ARHGAP26: variants seen among roughly 807,000 people sequenced by gnomAD.
ARHGAP26 encodes the protein Rho GTPase activating protein 26.
Under a neutral mutation model 104.8 loss-of-function variants are expected in ARHGAP26, and 38 were observed. The observed-to-expected ratio is 0.36, with a 90% confidence interval of 0.28 to 0.48. The LOEUF (loss-of-function observed/expected upper bound fraction) is 0.48, where lower values mean the gene tolerates loss of function less well. Among genes scored for constraint, ARHGAP26 ranks in the 20% least tolerant of loss-of-function variants. The pLI, the probability that ARHGAP26 is intolerant of heterozygous loss-of-function variation, is 0.99. For missense variants in ARHGAP26, 704 were observed against 947.9 expected, an observed-to-expected ratio of 0.74 and a Z score of 3.38; for synonymous variants, 341 against 340.0, an observed-to-expected ratio of 1.00 and a Z score of -0.03.
intron 1 of ARHGAP26, among the ~76,000 whole-genome samples, chr5:142,788,919 AGTC>A (rs1759212813): frequency 6.6e-6 from 1 of 152,238 alleles, no homozygotes; most frequent in Admixed American, 6.5e-5. Context: ...CCTTCACAAC[AGTC>A]TTAATGAGGT....
intron 11 of ARHGAP26, among the ~76,000 whole-genome samples, chr5:143,003,714 A>G (rs1471164299): frequency 6.6e-6 from 1 of 152,206 alleles, no homozygotes; most frequent in East Asian, 1.9e-4. Flanking sequence ...GAAAAGGGAA[A>G]TAACGTTTTT....
intron 1 of ARHGAP26, among the ~76,000 whole-genome samples, chr5:142,774,759 C>T (rs181987197): frequency 3.4e-4 from 52 of 152,274 alleles, no homozygotes; most frequent in African/African-American, 1.2e-3. Flanking sequence ...CCACTAACCC[C>T]GGGCAACCAC....
At chr5:143,195,838 G>A (rs1387534231) in intron 20 of ARHGAP26, among the ~76,000 whole-genome samples, 5 of 151,276 alleles carry the variant, frequency 3.3e-5, no homozygotes, top group African/African-American at 1.2e-4. Flanking sequence ...TATTTATTAA[G>A]TTGTGGTTAT....
At chr5:142,849,786 G>A (rs1052449633) in intron 1 of ARHGAP26, among the ~76,000 whole-genome samples, 9 of 152,112 alleles carry the variant, frequency 5.9e-5, no homozygotes. Flanking sequence ...ATCCTGCCGT[G>A]TTTCTGTCCT....
intron 1 of ARHGAP26, among the ~76,000 whole-genome samples, chr5:142,771,605 G>T (rs1436173651): frequency 6.6e-6 from 1 of 152,152 alleles, no homozygotes; most frequent in Admixed American, 6.5e-5. Context: ...GTGGGCGAGG[G>T]TTTAAAAATA....
intron 1 of ARHGAP26, among the ~76,000 whole-genome samples, chr5:142,843,472 T>C (rs1021056688): frequency 5.3e-5 from 8 of 152,240 alleles, no homozygotes; most frequent in African/African-American, 1.4e-4. Flanking sequence ...CTACCATTCA[T>C]TGAGTGCTTA....
chr5:143,210,219 A>G (rs549057967), intron 21 of ARHGAP26, among the ~76,000 whole-genome samples: 10 of 152,306 alleles, frequency 6.6e-5, no homozygotes, highest in African/African-American at 2.2e-4. Flanking sequence ...GCAGAAGGCA[A>G]GGAGGAGGAA....
At position 142,986,349 on chromosome 5, in the gene ARHGAP26, G is replaced by A. The variant is rs183253546; in HGVS notation, c.1108-27731G>A. ...CATATTCTTTGCCCACTTTTTGATG[G>A]GGTTGTTTGATTTTTTTCTTGTAAA... On this transcript the variant is annotated intron_variant, in intron 11 of 22. Coordinates refer to ENST00000645722, the MANE Select transcript of ARHGAP26 (RefSeq NM_001135608.3). Among the ~76,000 whole-genome samples the A allele has an allele frequency of 4.7e-3, 710 of 152,222 alleles. 3 individuals carry two copies. The highest frequency in any genetic ancestry group is 0.017 in the African/African-American group (688 of 41,532).
At chr5:142,897,094 C>T (rs749921393) in intron 6 of ARHGAP26, among the ~76,000 whole-genome samples, 26 of 152,192 alleles carry the variant, frequency 1.7e-4, no homozygotes, top group Non-Finnish European at 3.4e-4. Context: ...GAGGCATTCA[C>T]AGCCTCACTG....
At chr5:143,189,723 A>G (rs1231859466) in intron 20 of ARHGAP26, among the ~76,000 whole-genome samples, 1 of 152,210 alleles carries the variant, frequency 6.6e-6, no homozygotes, top group African/African-American at 2.4e-5. Flanking sequence ...ATGTTATAAG[A>G]ATCAGATATT....
chr5:142,949,212 AGAGAGAGAG>A (rs1767841913), intron 11 of ARHGAP26, among the ~76,000 whole-genome samples: 1 of 64,504 alleles, frequency 1.6e-5, no homozygotes, highest in African/African-American at 1.3e-4. Flanking sequence ...AGAGAGAGAG[AGAGAGAGAG>A]GAGAGAGAGA....
chr5:142,956,112 C>T (rs776632642), intron 11 of ARHGAP26, among the ~76,000 whole-genome samples: 2 of 152,164 alleles, frequency 1.3e-5, no homozygotes. Context: ...CCTTGTTTAT[C>T]TATGTTTTCA....
chr5:143,083,285 C>T (rs573186858), intron 17 of ARHGAP26, among the ~76,000 whole-genome samples: 35 of 152,290 alleles, frequency 2.3e-4, no homozygotes, highest in African/African-American at 8.2e-4. Context: ...AAGCATACAT[C>T]GCAGTAACCG....
chr5:142,820,026 C>T (rs1349372917), intron 1 of ARHGAP26, among the ~76,000 whole-genome samples: 8 of 152,078 alleles, frequency 5.3e-5, no homozygotes, highest in Non-Finnish European at 8.8e-5. Flanking sequence ...AGTGAGTCAT[C>T]GCTTGGTTTA....
At chr5:142,783,517 G>A (rs1040494964) in intron 1 of ARHGAP26, among the ~76,000 whole-genome samples, 2 of 152,080 alleles carry the variant, frequency 1.3e-5, no homozygotes, top group Admixed American at 6.5e-5. Context: ...AGCATAATGA[G>A]CTGGTTGAGC....
At chr5:142,983,083 G>A (rs75503645) in intron 11 of ARHGAP26, among the ~76,000 whole-genome samples, 13,251 of 152,262 alleles carry the variant, frequency 0.087, 796 homozygotes, top group Middle Eastern at 0.17. Context: ...GTGTGGAGGA[G>A]GACAGGTCCC....
chr5:143,130,934 AG>A (rs1562480230), intron 18 of ARHGAP26, among the ~76,000 whole-genome samples: 1 of 152,218 alleles, frequency 6.6e-6, no homozygotes, highest in African/African-American at 2.4e-5. Context: ...GACATTTTGC[AG>A]TGTGCTTCCT....
intron 11 of ARHGAP26, among the ~76,000 whole-genome samples, chr5:142,938,527 A>G (rs1306476003): frequency 6.6e-6 from 1 of 152,238 alleles, no homozygotes; most frequent in Non-Finnish European, 1.5e-5. Flanking sequence ...AGTTTCCAAT[A>G]ACTAAAGTTG....
intron 11 of ARHGAP26, among the ~76,000 whole-genome samples, chr5:142,942,575 A>G (rs1209781551): frequency 2.0e-5 from 3 of 152,218 alleles, no homozygotes. Flanking sequence ...GAAGTTAATG[A>G]AAATAAAAAG....
Sources: gnomAD v4.1 joint callset for allele counts (sites outside exome capture counted in the v4.1 genomes callset) on GRCh38, gnomAD v4.1.1 for gene constraint, MANE v1.5 for transcripts, NCBI Gene and HGNC (gene_info 2026-07-23, HGNC 2026-07-21) for gene names.